The following RGS6 variants were observed in gnomAD, a reference collection of about 807,000 sequenced individuals.
RGS6 encodes the protein regulator of G protein signaling 6, also known as regulator of G-protein signaling 6.
A neutral mutation model predicts 78.5 loss-of-function variants in RGS6; 30 were observed. That is an observed-to-expected ratio of 0.38 (90% CI 0.29 to 0.52). The LOEUF is 0.52. Ranked by LOEUF, RGS6 falls within the 20% of genes least tolerant of loss-of-function variation. The pLI is 0.85. For missense variants in RGS6, 495 were observed against 609.7 expected (o/e 0.81, Z 1.98); for synonymous variants, 206 against 206.0 (o/e 1.00, Z 0.00).
chr14:72,228,521 A>G (rs1310329751), intron 2 of RGS6, among the ~76,000 whole-genome samples: 1 of 152,228 alleles, frequency 6.6e-6, no homozygotes, highest in Admixed American at 6.5e-5. Flanking sequence ...TGAGAAAGAT[A>G]ATTCTGGTGG....
chr14:72,230,159 A>G (rs1048711369), intron 2 of RGS6, among the ~76,000 whole-genome samples: 2 of 152,224 alleles, frequency 1.3e-5, no homozygotes, highest in Non-Finnish European at 2.9e-5. Flanking sequence ...GGGATGGGCT[A>G]GGCAGAACAG....
rs545094978 is a variant in RGS6 at position 72,545,316 on chromosome 14, A to T, written c.1422+5222A>T. 2.0e-4 allele frequency among the ~76,000 whole-genome samples: 31 copies of T among 152,360 alleles called. 1 individual carries two copies. Among genetic ancestry groups the T allele is most frequent in the Admixed American group, 1.7e-3 (26 of 15,304 alleles). ...GAGACTTCCATCGAAGTGTTTGGGA[A>T]GGAAAGCAGGGAAACCTGCCTCTCT... On this transcript the variant is annotated intron_variant, in intron 17 of 17. Coordinates refer to ENST00000553525, the MANE Select transcript of RGS6 (RefSeq NM_001204424.2).
At chr14:72,234,593 G>A (rs17109589) in intron 2 of RGS6, among the ~76,000 whole-genome samples, 14,734 of 152,044 alleles carry the variant, frequency 0.097, 847 homozygotes, top group East Asian at 0.26. Flanking sequence ...AGCTGTGATC[G>A]TCTTGGCTCC....
intron 2 of RGS6, among the ~76,000 whole-genome samples, chr14:72,143,372 CAAA>C (rs528429298): frequency 4.5e-4 from 67 of 149,660 alleles, no homozygotes; most frequent in African/African-American, 1.5e-3. Context: ...GACTCCATCT[CAAA>C]AAAAAACACA....
chr14:72,540,592 C>A, intron 17 of RGS6: 1 of 1,502,642 alleles, frequency 6.7e-7, no homozygotes, highest in Non-Finnish European at 8.9e-7. Context: ...TTGCTGTGTG[C>A]AGAAAGCGGC....
At chr14:72,517,704 T>C (rs1358976097) in intron 14 of RGS6, among the ~76,000 whole-genome samples, 1 of 152,248 alleles carries the variant, frequency 6.6e-6, no homozygotes, top group Non-Finnish European at 1.5e-5. Context: ...TGGCTCAGTT[T>C]CTCCATCTAT....
At chr14:72,089,701 C>T (rs148140095) in intron 2 of RGS6, among the ~76,000 whole-genome samples, 4 of 152,270 alleles carry the variant, frequency 2.6e-5, no homozygotes, top group East Asian at 3.9e-4. Flanking sequence ...TATGCTAATG[C>T]GTTTGAGTTC....
At chr14:71,930,785 C>T (rs1297489924), upstream of RGS6, among the ~76,000 whole-genome samples, 9 of 151,536 alleles carry the variant, frequency 5.9e-5, no homozygotes, top group Non-Finnish European at 1.3e-4. Context: ...GAATTTGAGA[C>T]CAGCTTGGCC....
At chr14:72,142,342 A>T (rs766779744) in intron 2 of RGS6, among the ~76,000 whole-genome samples, 4 of 151,946 alleles carry the variant, frequency 2.6e-5, no homozygotes, top group Non-Finnish European at 5.9e-5. Context: ...GAGAGATGAC[A>T]TCCTTTTTAA....
At chr14:72,039,267 G>A (rs2092113003) in intron 2 of RGS6, among the ~76,000 whole-genome samples, 1 of 152,148 alleles carries the variant, frequency 6.6e-6, no homozygotes, top group African/African-American at 2.4e-5. Context: ...TTCTGGTCTT[G>A]TCCTTGTCCT....
At position 72,382,083 on chromosome 14, in the gene RGS6, T is replaced by C. The variant is rs73291354; in HGVS notation, c.184+29889T>C. The stretch of plus-strand genomic sequence containing the variant: ...TTTAAGTTGAAATTAATTAAAGTCA[T>C]GTAGAATATTAAAATTTAGTCACCT... On this transcript the variant is annotated intron_variant, in intron 3 of 17. Coordinates refer to ENST00000553525, the MANE Select transcript of RGS6 (RefSeq NM_001204424.2). Among the ~76,000 whole-genome samples, 1,366 of 152,120 alleles carry C rather than the reference T, an allele frequency of 9.0e-3. 25 individuals are homozygous for C. Among genetic ancestry groups the C allele is most frequent in the African/African-American group, 0.032 (1,321 of 41,520 alleles).
chr14:72,150,630 C>A (rs909584077), intron 2 of RGS6, among the ~76,000 whole-genome samples: 3 of 151,958 alleles, frequency 2.0e-5, no homozygotes, highest in Non-Finnish European at 4.4e-5. Context: ...GCACGTCTTA[C>A]ATAGCCCAAG....
At chr14:71,964,515 A>C (rs537850441) in intron 1 of RGS6, among the ~76,000 whole-genome samples, 2 of 152,288 alleles carry the variant, frequency 1.3e-5, no homozygotes, top group Admixed American at 6.5e-5. Flanking sequence ...TCAAAAAAAA[A>C]CAAAACAAAA....
intron 2 of RGS6, among the ~76,000 whole-genome samples, chr14:72,229,613 T>A (rs1451983717): frequency 6.6e-6 from 1 of 152,200 alleles, no homozygotes; most frequent in African/African-American, 2.4e-5. Context: ...GTCCCACATT[T>A]CTGGGAAATT....
chr14:71,913,650 A>G, the RGS6 span, among the ~76,000 whole-genome samples: 1 of 152,218 alleles, frequency 6.6e-6, no homozygotes, highest in African/African-American at 2.4e-5. Flanking sequence ...TTACGAAGGA[A>G]GTGAGCTGAG....
intron 2 of RGS6, among the ~76,000 whole-genome samples, chr14:72,253,781 C>G (rs931710148): frequency 7.2e-5 from 11 of 152,160 alleles, no homozygotes; most frequent in Admixed American, 7.2e-4. Context: ...TGAGCATCGG[C>G]CAACCTATGC....
At chr14:71,893,323 C>A in the RGS6 span, among the ~76,000 whole-genome samples, 2 of 152,198 alleles carry the variant, frequency 1.3e-5, no homozygotes, top group African/African-American at 4.8e-5. Context: ...AGTATTCTCA[C>A]CTTTACATAA....
intron 2 of RGS6, among the ~76,000 whole-genome samples, chr14:72,136,754 T>C (rs2096449744): frequency 6.6e-6 from 1 of 152,150 alleles, no homozygotes; most frequent in Non-Finnish European, 1.5e-5. Flanking sequence ...TGTCAGGAAA[T>C]AGAGAAACTT....
intron 15 of RGS6, among the ~76,000 whole-genome samples, chr14:72,533,153 A>G (rs182748563): frequency 4.1e-4 from 62 of 152,334 alleles, no homozygotes; most frequent in African/African-American, 1.4e-3. Context: ...GTCGATGCCA[A>G]TGCTCATTTA....
Sources: allele counts gnomAD v4.1 joint callset (sites outside exome capture counted in the v4.1 genomes callset), GRCh38; gene constraint gnomAD v4.1.1; transcripts MANE v1.5; gene names NCBI Gene and HGNC (gene_info 2026-07-23, HGNC 2026-07-21).